Variants in KLHL29 observed in about 807,000 individuals in gnomAD.
KLHL29 encodes the protein kelch-like protein 29.
A neutral mutation model predicts 80.4 loss-of-function variants in KLHL29; 21 were observed. The observed-to-expected ratio is 0.26, with a 90% CI of 0.19 to 0.38. The LOEUF (loss-of-function observed/expected upper bound fraction) is 0.38. Among genes scored for constraint, KLHL29 ranks in the 10% least tolerant of loss-of-function variants. The pLI is 1.00. For synonymous variants in KLHL29, 511 were observed against 526.8 expected (o/e 0.97, Z 0.41); for missense variants, 867 against 1,223.9 (o/e 0.71, Z 4.35).
chr2:23,448,742 C>G (rs765402783), intron 1 of KLHL29, among the ~76,000 whole-genome samples: 5 of 152,214 alleles, frequency 3.3e-5, no homozygotes, highest in Admixed American at 1.3e-4. Flanking sequence ...TTTGCTGCAC[C>G]TGCAATCTGC....
At chr2:23,626,088 G>T (rs937140171) in intron 3 of KLHL29, among the ~76,000 whole-genome samples, 3 of 152,022 alleles carry the variant, frequency 2.0e-5, no homozygotes, top group Admixed American at 2.0e-4. Flanking sequence ...CCATGCATGG[G>T]GGTAGGAGGA....
chr2:23,517,197 G>A (rs1410995208), intron 2 of KLHL29, among the ~76,000 whole-genome samples: 1 of 152,088 alleles, frequency 6.6e-6, no homozygotes, highest in African/African-American at 2.4e-5. Context: ...CGTCCGCTGA[G>A]CTCTTTTTTC....
intron 4 of KLHL29, 31 bp downstream of exon 4, chr2:23,639,311 T>G (rs752626375): frequency 5.3e-5 from 81 of 1,541,540 alleles, no homozygotes; most frequent in Admixed American, 2.1e-5. Context: ...TAGAAACGAC[T>G]GAGCCCAGGG....
chr2:23,574,030 G>A (rs1667783043), intron 3 of KLHL29, among the ~76,000 whole-genome samples: 1 of 152,104 alleles, frequency 6.6e-6, no homozygotes, highest in Non-Finnish European at 1.5e-5. Flanking sequence ...TGGTCCCTCG[G>A]TCGTTCTTGG....
At chr2:23,420,732 G>A (rs1241335577) in intron 1 of KLHL29, among the ~76,000 whole-genome samples, 1 of 152,272 alleles carries the variant, frequency 6.6e-6, no homozygotes, top group African/African-American at 2.4e-5. Context: ...TGGGTCTGGG[G>A]CCATCTCTGC....
chr2:23,502,236 A>G (rs1316622622), intron 2 of KLHL29, among the ~76,000 whole-genome samples: 2 of 152,240 alleles, frequency 1.3e-5, no homozygotes, highest in Non-Finnish European at 2.9e-5. Context: ...GATCGCTTGC[A>G]TGCAATTGTG....
At chr2:23,571,674 C>T (rs192233323) in intron 3 of KLHL29, among the ~76,000 whole-genome samples, 1 of 152,194 alleles carries the variant, frequency 6.6e-6, no homozygotes, top group Non-Finnish European at 1.5e-5. Flanking sequence ...CTTCTCCCTC[C>T]AGACATTGTC....
At chr2:23,395,270 A>C (rs1177980113) in intron 1 of KLHL29, among the ~76,000 whole-genome samples, 1 of 152,108 alleles carries the variant, frequency 6.6e-6, no homozygotes, top group Admixed American at 6.5e-5. Context: ...TGTGGCCGTG[A>C]CCCATGGGTC....
intron 3 of KLHL29, among the ~76,000 whole-genome samples, chr2:23,633,212 C>A (rs1016121318): frequency 6.6e-6 from 1 of 152,148 alleles, no homozygotes; most frequent in South Asian, 2.1e-4. Flanking sequence ...GCATTGTCTT[C>A]CCTGGGGCTC....
At chr2:23,486,114 CCTT>C (rs1447928901) in intron 2 of KLHL29, among the ~76,000 whole-genome samples, 1 of 152,196 alleles carries the variant, frequency 6.6e-6, no homozygotes, top group Non-Finnish European at 1.5e-5. Context: ...AGGTGGCCCT[CCTT>C]GGCCCACCAG....
chr2:23,706,510 C>T lies in KLHL29; in HGVS notation c.2474C>T (p.Ala825Val), dbSNP rs1020471423. ...GTGGTGCTTGATGGCAAGATTTATGCAACTGGAGGTATTGTCAGCAGTGAA... is the reference window on the plus strand; with the variant it reads ...GTGGTGCTTGATGGCAAGATTTATGTAACTGGAGGTATTGTCAGCAGTGAA... ...SAVVLDGKIYATGGIVSSEGP... is the reference protein window; with the variant it reads ...SAVVLDGKIYVTGGIVSSEGP... The change falls in exon 14 of 14, where the codon GCA becomes GTA. Residue 825 changes from alanine to valine, a missense_variant. Ala to Val is a moderately conservative substitution (Grantham distance 64). Coordinates refer to ENST00000486442, the MANE Select transcript of KLHL29 (RefSeq NM_052920.2). The T allele has an allele frequency of 1.3e-6, 2 of 1,533,776 alleles. No homozygotes were observed. The highest frequency in any genetic ancestry group is 1.7e-6 in the Non-Finnish European group (2 of 1,145,232).
chr2:23,624,925 A>G (rs537583714), intron 3 of KLHL29, among the ~76,000 whole-genome samples: 134 of 152,304 alleles, frequency 8.8e-4, no homozygotes, highest in African/African-American at 3.2e-3. Flanking sequence ...TGCCTGCTTT[A>G]TAGATGAAGG....
chr2:23,595,383 G>C (rs1232481830), intron 3 of KLHL29, among the ~76,000 whole-genome samples: 1 of 152,190 alleles, frequency 6.6e-6, no homozygotes, highest in Non-Finnish European at 1.5e-5. Context: ...TAACTAACTT[G>C]CCCAAGATCA....
chr2:23,581,855 T>A (rs1346387432), intron 3 of KLHL29, among the ~76,000 whole-genome samples: 1 of 150,982 alleles, frequency 6.6e-6, no homozygotes, highest in Non-Finnish European at 1.5e-5. Context: ...AACTTTTATT[T>A]GAGGTTCAGG....
In KLHL29 at chr2:23,708,167, GTT is replaced by G. The variant is rs1558455866; in HGVS notation, c.*1504_*1505del. The G allele has an allele frequency of 6.6e-6, 1 of 152,228 alleles. No individual in the cohort carries two copies. Among genetic ancestry groups the G allele is most frequent in the African/African-American group, 2.4e-5 (1 of 41,450 alleles). 9.4% of individuals were successfully genotyped at this position (152,228 alleles called of 1,614,324 possible). A position where few individuals can be genotyped will look rare whatever the true frequency, so the allele number is the denominator to read the frequency against. On this transcript the variant is annotated 3_prime_UTR_variant, in exon 14 of 14. Transcript: ENST00000486442. ...GATGACACAAAATTCCAGTTCTAAC[GTT>G]GGGCATCAACTTCTAGCACTACGAG...
intron 2 of KLHL29, among the ~76,000 whole-genome samples, chr2:23,551,281 G>A (rs1667115965): frequency 6.6e-6 from 1 of 151,996 alleles, no homozygotes; most frequent in Non-Finnish European, 1.5e-5. Context: ...TACACCAGGA[G>A]CAATAGCACA....
chr2:23,404,068 A>G (rs17045288), intron 1 of KLHL29, among the ~76,000 whole-genome samples: 4,005 of 152,290 alleles, frequency 0.026, 212 homozygotes, highest in African/African-American at 0.092. Context: ...TTTTAATAGA[A>G]GGCTTTACCT....
At chr2:23,651,466 C>T (rs1030529287) in intron 5 of KLHL29, among the ~76,000 whole-genome samples, 4 of 152,166 alleles carry the variant, frequency 2.6e-5, no homozygotes, top group African/African-American at 7.2e-5. Flanking sequence ...GGTGTGTATT[C>T]GTTTTTCACC....
intron 3 of KLHL29, among the ~76,000 whole-genome samples, chr2:23,583,641 C>T (rs1445007101): frequency 6.6e-6 from 1 of 152,104 alleles, no homozygotes; most frequent in Admixed American, 6.6e-5. Flanking sequence ...ATCAGACACT[C>T]GATGTGGCCT....
Sources: gnomAD v4.1 joint callset for allele counts (sites outside exome capture counted in the v4.1 genomes callset) on GRCh38, gnomAD v4.1.1 for gene constraint, MANE v1.5 for transcripts, NCBI Gene and HGNC (gene_info 2026-07-23, HGNC 2026-07-21) for gene names.